Variants in SAMD12 observed in about 807,000 individuals in gnomAD.
SAMD12 encodes the protein sterile alpha motif domain-containing protein 12.
Under a neutral mutation model 15.0 loss-of-function variants are expected in SAMD12, and 9 were observed. That is an observed-to-expected ratio of 0.60 (90% confidence interval 0.36 to 1.05). SAMD12 has a LOEUF of 1.05. Ranked by LOEUF, SAMD12 falls within the 50% of genes least tolerant of loss-of-function variation. SAMD12 has a pLI of 0.01. For synonymous variants in SAMD12, 86 were observed against 90.1 expected (o/e 0.96, Z 0.25); for missense variants, 230 against 234.2 (o/e 0.98, Z 0.12).
the SAMD12 span, among the ~76,000 whole-genome samples, chr8:118,160,984 C>T: frequency 6.6e-6 from 1 of 152,136 alleles, no homozygotes; most frequent in African/African-American, 2.4e-5. Flanking sequence ...TGATGTTCCC[C>T]TTCCTGTGCC....
chr8:118,539,388 C>T (rs1328694300), intron 2 of SAMD12, among the ~76,000 whole-genome samples: 1 of 152,194 alleles, frequency 6.6e-6, no homozygotes, highest in Non-Finnish European at 1.5e-5. Context: ...GTATGGCTGA[C>T]TTCTACCCAG....
intron 3 of SAMD12, among the ~76,000 whole-genome samples, chr8:118,398,141 C>T (rs745683638): frequency 1.4e-4 from 21 of 152,230 alleles, no homozygotes; most frequent in Admixed American, 2.6e-4. Flanking sequence ...GTGGCTCATG[C>T]CTATAATACC....
chr8:118,208,047 C>T (rs530533076), intron 4 of SAMD12, among the ~76,000 whole-genome samples: 5 of 151,858 alleles, frequency 3.3e-5, no homozygotes, highest in Admixed American at 1.3e-4. Context: ...CACCTGAGGT[C>T]GGGAGTTCGA....
chr8:118,293,252 G>C (rs1198107017), intron 4 of SAMD12, among the ~76,000 whole-genome samples: 1 of 152,162 alleles, frequency 6.6e-6, no homozygotes, highest in Non-Finnish European at 1.5e-5. Context: ...TTATACAAGA[G>C]ATGCTGAAAT....
intron 4 of SAMD12, among the ~76,000 whole-genome samples, chr8:118,363,430 A>T (rs1362382695): frequency 6.6e-6 from 1 of 152,198 alleles, no homozygotes; most frequent in Non-Finnish European, 1.5e-5. Flanking sequence ...CCCAGGAGTA[A>T]GAGTAAGAGG....
intron 4 of SAMD12, among the ~76,000 whole-genome samples, chr8:118,287,536 G>A (rs1814118077): frequency 6.6e-6 from 1 of 152,138 alleles, no homozygotes; most frequent in South Asian, 2.1e-4. Context: ...GGATAGTGCC[G>A]GGACTTAGAG....
intron 2 of SAMD12, among the ~76,000 whole-genome samples, chr8:118,514,552 A>G (rs1448042132): frequency 2.0e-5 from 3 of 152,234 alleles, no homozygotes; most frequent in Non-Finnish European, 4.4e-5. Flanking sequence ...TCTATAAGGT[A>G]TTTAAAGTGG....
intron 4 of SAMD12, among the ~76,000 whole-genome samples, chr8:118,205,986 T>C (rs1819853053): frequency 6.6e-6 from 1 of 152,230 alleles, no homozygotes; most frequent in Non-Finnish European, 1.5e-5. Context: ...TCTACTACAC[T>C]GTGAGCCTGA....
At chr8:118,405,585 G>T (rs1821090340) in intron 3 of SAMD12, among the ~76,000 whole-genome samples, 1 of 151,830 alleles carries the variant, frequency 6.6e-6, no homozygotes, top group Non-Finnish European at 1.5e-5. Flanking sequence ...TCTGAGTAAG[G>T]TTTACATAAG....
At chr8:118,346,108 A>C (rs957541834) in intron 4 of SAMD12, among the ~76,000 whole-genome samples, 8 of 152,250 alleles carry the variant, frequency 5.3e-5, no homozygotes, top group African/African-American at 1.7e-4. Flanking sequence ...AGGCTCCGGC[A>C]TGAGGCCCCA....
chr8:118,153,510 T>C, the SAMD12 span, among the ~76,000 whole-genome samples: 111,057 of 152,122 alleles, frequency 0.73, 42,104 homozygotes, highest in Non-Finnish European at 0.84. Context: ...ATCTATTTCC[T>C]TCTGCAAAGA....
intron 4 of SAMD12, among the ~76,000 whole-genome samples, chr8:118,247,931 A>G (rs1695696040): frequency 6.6e-6 from 1 of 152,168 alleles, no homozygotes; most frequent in Non-Finnish European, 1.5e-5. Flanking sequence ...AAAAAATACT[A>G]GAAGCAGGAA....
the SAMD12 span, among the ~76,000 whole-genome samples, chr8:118,184,329 G>T: frequency 6.6e-6 from 1 of 152,138 alleles, no homozygotes; most frequent in Non-Finnish European, 1.5e-5. Context: ...GACCAAACGG[G>T]AATTAGGTCT....
chr8:118,283,087 C>A (rs1006171499), intron 4 of SAMD12, among the ~76,000 whole-genome samples: 1 of 152,032 alleles, frequency 6.6e-6, no homozygotes, highest in Non-Finnish European at 1.5e-5. Flanking sequence ...CTGACCAGGA[C>A]TCACCGAGGA....
At chr8:118,240,837 C>T (rs1464125787) in intron 4 of SAMD12, among the ~76,000 whole-genome samples, 1 of 152,096 alleles carries the variant, frequency 6.6e-6, no homozygotes, top group Non-Finnish European at 1.5e-5. Context: ...AAGGACAAGC[C>T]AAGATTAAAG....
intron 4 of SAMD12, among the ~76,000 whole-genome samples, chr8:118,292,403 A>G (rs1356769298): frequency 2.4e-5 from 3 of 123,280 alleles, no homozygotes; most frequent in Non-Finnish European, 5.5e-5. Context: ...GATCAAAGGC[A>G]GTGTTCACAG....
chr8:118,576,307 G>A (rs764950439), intron 2 of SAMD12, among the ~76,000 whole-genome samples: 8 of 152,154 alleles, frequency 5.3e-5, no homozygotes, highest in Non-Finnish European at 1.0e-4. Context: ...TGTGCTAGTG[G>A]CTATTGTATT....
At chr8:118,472,419 G>C (rs1008410543) in intron 2 of SAMD12, among the ~76,000 whole-genome samples, 1 of 152,180 alleles carries the variant, frequency 6.6e-6, no homozygotes, top group Non-Finnish European at 1.5e-5. Context: ...TGGTGCAGTG[G>C]CTCATGCCTC....
At chr8:118,609,175 G>T (rs1267398843) in intron 1 of SAMD12, among the ~76,000 whole-genome samples, 1 of 152,136 alleles carries the variant, frequency 6.6e-6, no homozygotes, top group Non-Finnish European at 1.5e-5. Context: ...CATGAGTGAG[G>T]GTGGTCATAG....
Sources: allele counts gnomAD v4.1 joint callset (sites outside exome capture counted in the v4.1 genomes callset), GRCh38; gene constraint gnomAD v4.1.1; transcripts MANE v1.5; gene names NCBI Gene and HGNC (gene_info 2026-07-23, HGNC 2026-07-21).